Variants in TBC1D32 observed in about 807,000 individuals in gnomAD.
The protein encoded by TBC1D32 is protein broad-minded.
A neutral mutation model predicts 170.3 loss-of-function variants in TBC1D32; 151 were observed. That is an observed-to-expected ratio of 0.89 (90% CI 0.78 to 1.01). The LOEUF is 1.01. Ranked by LOEUF, TBC1D32 falls within the 50% of genes least tolerant of loss-of-function variation. The pLI, the probability that TBC1D32 is intolerant of heterozygous loss-of-function variation, is 0.00. For synonymous variants in TBC1D32, 498 were observed against 488.0 expected (o/e 1.02, Z -0.27); for missense variants, 1,464 against 1,457.1 (o/e 1.00, Z -0.08).
chr6:121,106,831 A>AT (rs1456925009), intron 29 of TBC1D32, among the ~76,000 whole-genome samples: 1 of 151,980 alleles, frequency 6.6e-6, no homozygotes, highest in African/African-American at 2.4e-5. Flanking sequence ...ATATATGTGA[A>AT]TATATACACA....
At chr6:121,111,049 G>A (rs532843902) in intron 29 of TBC1D32, among the ~76,000 whole-genome samples, 9 of 152,206 alleles carry the variant, frequency 5.9e-5, no homozygotes, top group African/African-American at 1.9e-4. Flanking sequence ...AGATCATTCC[G>A]AAAACCCCGA....
At chr6:121,320,428 T>G (rs17083420) in intron 2 of TBC1D32, among the ~76,000 whole-genome samples, 1 of 152,080 alleles carries the variant, frequency 6.6e-6, no homozygotes, top group Non-Finnish European at 1.5e-5. Flanking sequence ...CAGTACCATA[T>G]AAAATTCTGC....
chr6:121,129,603 T>A (rs1781211622), intron 25 of TBC1D32, among the ~76,000 whole-genome samples: 1 of 152,204 alleles, frequency 6.6e-6, no homozygotes, highest in Non-Finnish European at 1.5e-5. Flanking sequence ...TATTTATAAT[T>A]TCTGATTTTC....
intron 31 of TBC1D32, among the ~76,000 whole-genome samples, chr6:121,087,391 A>G (rs1443456912): frequency 1.3e-5 from 2 of 152,238 alleles, no homozygotes; most frequent in Non-Finnish European, 2.9e-5. Flanking sequence ...AATGTAGGCA[A>G]TAAGTCTATA....
chr6:121,146,857 G>C (rs986779849), intron 24 of TBC1D32, among the ~76,000 whole-genome samples: 3 of 152,014 alleles, frequency 2.0e-5, no homozygotes, highest in Non-Finnish European at 2.9e-5. Flanking sequence ...ATATGTACAG[G>C]GTTGCTATAT....
At chr6:121,334,173 G>T in intron 1 of TBC1D32, 103 bp downstream of exon 1, 1 of 880,484 alleles carries the variant, frequency 1.1e-6, no homozygotes, top group South Asian at 2.1e-5. Context: ...CTCCAAGTTG[G>T]GCACTATTTT....
chr6:121,184,301 T>C (rs1788901784), intron 22 of TBC1D32, among the ~76,000 whole-genome samples: 1 of 151,976 alleles, frequency 6.6e-6, no homozygotes, highest in Non-Finnish European at 1.5e-5. Flanking sequence ...TGGTACTCCA[T>C]ATGCTTTAGT....
chr6:121,197,881 G>A (rs1434967058), intron 22 of TBC1D32, among the ~76,000 whole-genome samples: 2 of 152,078 alleles, frequency 1.3e-5, no homozygotes, highest in African/African-American at 2.4e-5. Flanking sequence ...TCAGTGAGCT[G>A]AGGAAGGCAG....
At chr6:121,115,671 G>A (rs2128201259) in intron 26 of TBC1D32, 1 of 153,056 alleles carries the variant, frequency 6.5e-6, no homozygotes, top group South Asian at 2.1e-4. Flanking sequence ...TTTAATGTAT[G>A]GTAACGTATG....
intron 22 of TBC1D32, among the ~76,000 whole-genome samples, chr6:121,161,864 T>A (rs921117964): frequency 6.6e-6 from 1 of 152,248 alleles, no homozygotes; most frequent in Non-Finnish European, 1.5e-5. Context: ...GACTTTTTAA[T>A]AATAGCCATT....
At chr6:121,144,427 A>G (rs908916457) in intron 24 of TBC1D32, among the ~76,000 whole-genome samples, 1 of 152,100 alleles carries the variant, frequency 6.6e-6, no homozygotes, top group African/African-American at 2.4e-5. Flanking sequence ...GATGAGTGAG[A>G]GTGGTTTTAT....
At chr6:121,176,004 T>G (rs1372159793) in intron 22 of TBC1D32, among the ~76,000 whole-genome samples, 4 of 152,222 alleles carry the variant, frequency 2.6e-5, no homozygotes, top group African/African-American at 9.6e-5. Context: ...TACTACTGTT[T>G]TAAATGTTGG....
intron 24 of TBC1D32, among the ~76,000 whole-genome samples, chr6:121,152,979 C>G (rs976927195): frequency 1.3e-5 from 2 of 151,728 alleles, no homozygotes; most frequent in Non-Finnish European, 2.9e-5. Flanking sequence ...TTGTTATTAC[C>G]CACCTTCTAA....
At chr6:121,099,198 T>C (rs942492658) in intron 30 of TBC1D32, among the ~76,000 whole-genome samples, 10 of 151,892 alleles carry the variant, frequency 6.6e-5, no homozygotes, top group Non-Finnish European at 1.3e-4. Context: ...ATGTGCAGGA[T>C]AGTGACTCCA....
chr6:121,208,485 G>A (rs1429138134), intron 21 of TBC1D32, among the ~76,000 whole-genome samples: 1 of 151,864 alleles, frequency 6.6e-6, no homozygotes, highest in African/African-American at 2.4e-5. Flanking sequence ...CCATAATTCA[G>A]TTACCTCCTG....
intron 31 of TBC1D32, among the ~76,000 whole-genome samples, chr6:121,082,141 G>T (rs1011592583): frequency 6.6e-6 from 1 of 151,926 alleles, no homozygotes; most frequent in Non-Finnish European, 1.5e-5. Context: ...GATTAGCACT[G>T]AAGACACGAA....
In TBC1D32 at chr6:121,162,336, T is replaced by C. The variant is rs566487581; in HGVS notation, c.2571-1280A>G. On this transcript the variant is annotated intron_variant, in intron 22 of 31. Transcript: ENST00000398212. ...GTTTTTATAGTTTTGGGTTTTGGGTTTACATTGAAGTATTTAATCCACCTT... is the reference window on the plus strand; with the variant it reads ...GTTTTTATAGTTTTGGGTTTTGGGTCTACATTGAAGTATTTAATCCACCTT... Among the ~76,000 whole-genome samples, 59 of 152,294 alleles carry C rather than the reference T, an allele frequency of 3.9e-4. 1 individual carries two copies. Among genetic ancestry groups the C allele is most frequent in the African/African-American group, 1.4e-3 (59 of 41,566 alleles).
intron 4 of TBC1D32, among the ~76,000 whole-genome samples, chr6:121,309,869 A>T (rs200912285): frequency 1.3e-5 from 2 of 152,078 alleles, no homozygotes; most frequent in South Asian, 2.1e-4. Context: ...CCCCATCTGT[A>T]CAAAAAATAC....
intron 30 of TBC1D32, among the ~76,000 whole-genome samples, chr6:121,104,803 CTAGA>C (rs1263877357): frequency 6.6e-6 from 1 of 151,500 alleles, no homozygotes; most frequent in Non-Finnish European, 1.5e-5. Flanking sequence ...TACTATCTTC[CTAGA>C]TAGACTGAGT....
Sources: allele counts gnomAD v4.1 joint callset (sites outside exome capture counted in the v4.1 genomes callset), GRCh38; gene constraint gnomAD v4.1.1; transcripts MANE v1.5; gene names NCBI Gene and HGNC (gene_info 2026-07-23, HGNC 2026-07-21).